The following MKS1 variants were observed in gnomAD, a reference collection of about 807,000 sequenced individuals.
The protein encoded by MKS1 is tectonic-like complex member MKS1.
A neutral mutation model predicts 83.7 loss-of-function variants in MKS1; 70 were observed. That is an observed-to-expected ratio of 0.84 (90% confidence interval 0.69 to 1.02). The LOEUF (loss-of-function observed/expected upper bound fraction) is 1.02. Ranked by LOEUF, MKS1 falls within the 50% of genes least tolerant of loss-of-function variation. The pLI is 0.00. For synonymous variants in MKS1, 251 were observed against 273.4 expected, an observed-to-expected ratio of 0.92 and a Z score of 0.81; for missense variants, 681 against 726.9, an observed-to-expected ratio of 0.94 and a Z score of 0.73.
In MKS1 at chr17:58,208,531, G is replaced by A. The variant is rs1968672310; in HGVS notation, c.1077C>T (p.Thr359=). ...QQLSGVTQTC[T]TKSLAMDKVA... The stretch of plus-strand genomic sequence containing the variant: ...TCCATACCATTGCCAGGGACTTGGT[G>A]GTGCAGGTCTGTGTTACTCCTGAGA... Residue 359 remains threonine, a synonymous_variant, in exon 12 of 18, where the codon ACC becomes ACT. Transcript: ENST00000393119. 2 of 1,614,114 alleles carry A rather than the reference G, an allele frequency of 1.2e-6. No homozygotes were observed. The highest frequency in any genetic ancestry group is 2.2e-5 in the East Asian group (1 of 44,886).
intron 5 of MKS1, among the ~76,000 whole-genome samples, 155 bp downstream of exon 5, chr17:58,214,586 G>A (rs569606093): frequency 1.3e-5 from 2 of 152,274 alleles, no homozygotes; most frequent in South Asian, 2.1e-4. Flanking sequence ...CACATGAAGA[G>A]TGAGGAAGAT....
chr17:58,214,307 G>T lies in MKS1; in HGVS notation c.596C>A (p.Thr199Asn). Residue 199 changes from threonine to asparagine, a missense_variant, in exon 6 of 18, where the codon ACC becomes AAC. Physicochemically the swap from Thr to Asn is moderately conservative, Grantham distance 65. This residue lies in a region of MKS1 where 365 missense variants were observed against 383.8 expected (regional missense o/e 0.95). Coordinates refer to ENST00000393119, the MANE Select transcript of MKS1 (RefSeq NM_017777.4). ...CATGATGTGCATTGTCTGAAGAGGG[G>T]TGTTAATGACGTGGTTGTTCCTGAC... ...EFVRNNHVINTPLQTMHIMAD... is the reference protein window; with the variant it reads ...EFVRNNHVINNPLQTMHIMAD... The T allele has an allele frequency of 6.2e-7, 1 of 1,614,158 alleles. No individual in the cohort carries two copies. The highest frequency in any genetic ancestry group is 2.2e-5 in the East Asian group (1 of 44,880).
chr17:58,210,957 A>T, intron 10 of MKS1, 23 bp downstream of exon 10: 1 of 1,611,736 alleles, frequency 6.2e-7, no homozygotes, highest in South Asian at 1.1e-5. Context: ...GCATCAAGAG[A>T]TCTATGCTAG....
chr17:58,212,315 T>G (rs372947580), intron 9 of MKS1, 63 bp downstream of exon 9: 22 of 1,587,766 alleles, frequency 1.4e-5, no homozygotes, highest in Non-Finnish European at 1.8e-5. Flanking sequence ...GTGTAACTCA[T>G]CCACAGTCAG....
chr17:58,217,672 G>C (rs1382182680), intron 2 of MKS1, among the ~76,000 whole-genome samples: 1 of 152,136 alleles, frequency 6.6e-6, no homozygotes, highest in Non-Finnish European at 1.5e-5. Flanking sequence ...AATAAACTGA[G>C]TGTGAGTCTG....
At chr17:58,206,890 G>C in intron 15 of MKS1, 195 bp downstream of exon 15, 1 of 720,460 alleles carries the variant, frequency 1.4e-6, no homozygotes, top group Non-Finnish European at 2.3e-6. Flanking sequence ...ATTTTCCAGA[G>C]ACCTCCTACG....
In MKS1 at chr17:58,214,794, G is replaced by T; in HGVS notation, c.462C>A (p.Phe154Leu). 6.2e-7 allele frequency: 1 copy of T among 1,606,926 alleles called. No individual in the cohort carries two copies. ...MTTAASEVPS[F>L]LVERMANVRR... ...TGACATTTGCCATTCGCTCGACCAA[G>T]AATGAAGGCACCTCGCTGGCTGCAG... is the stretch of plus-strand genomic sequence containing the variant. The change falls in exon 5 of 18, where the codon TTC (phenylalanine) becomes TTA (leucine). Residue 154 changes from phenylalanine to leucine, a missense_variant. This residue lies in a region of MKS1 where 365 missense variants were observed against 383.8 expected (regional missense o/e 0.95). Coordinates refer to ENST00000393119, the MANE Select transcript of MKS1 (RefSeq NM_017777.4).
chr17:58,213,119 A>C, intron 7 of MKS1, 29 bp from the exon 8 acceptor site: 1 of 1,606,118 alleles, frequency 6.2e-7, no homozygotes, highest in Non-Finnish European at 8.5e-7. Context: ...AGAAAGGAGC[A>C]ACTCTAATAA....
chr17:58,206,340 T>G lies in MKS1; in HGVS notation c.1531A>C (p.Ser511Arg), dbSNP rs9906421. The change falls in exon 17 of 18, where the codon AGT becomes CGT. Residue 511 changes from serine to arginine, a missense_variant. Coordinates refer to ENST00000393119, the MANE Select transcript of MKS1 (RefSeq NM_017777.4). The part of the protein sequence containing the change: ...ESSSLQKRMR[S>R]VLDRLEGFSQ... Reference sequence around the variant, plus strand: ...AACCCTTCCAGACGGTCCAACACACTCCGCATCCTTTTCTGAAGGGAGCTC... The same window carrying G: ...AACCCTTCCAGACGGTCCAACACACGCCGCATCCTTTTCTGAAGGGAGCTC... The G allele has an allele frequency of 3.7e-6, 6 of 1,613,862 alleles. No homozygotes were observed. The African/African-American group carries it at 4.0e-5, about 11-fold the overall frequency.
Position 58,216,069 on chromosome 17 carries a change from AC to A in MKS1, c.417+18del. On this transcript the variant is annotated intron_variant, in intron 4 of 17. Coordinates refer to ENST00000393119, the MANE Select transcript of MKS1 (RefSeq NM_017777.4). ...AGGAAGCAAAGATGGAAGCTATGAG[AC>A]CCTAGAAAGAACAATACCTCCTCCA... The A allele has an allele frequency of 6.2e-7, 1 of 1,613,734 alleles. No individual in the cohort carries two copies. The highest frequency in any genetic ancestry group is 1.1e-5 in the South Asian group (1 of 91,060).
chr17:58,212,912 G>T, intron 8 of MKS1, 70 bp downstream of exon 8: 1 of 1,483,218 alleles, frequency 6.7e-7, no homozygotes, highest in Non-Finnish European at 9.4e-7. Context: ...CTGACATCAA[G>T]TTCAGAAATG....
Position 58,205,603 on chromosome 17 carries a change from G to C in MKS1, c.*476C>G. 7.7e-7 allele frequency: 1 copy of C among 1,306,114 alleles called. No homozygotes were observed. The highest frequency in any genetic ancestry group is 1.0e-6 in the Non-Finnish European group (1 of 990,306). The allele number at this position is 1,306,114 out of a possible 1,614,324, so 80.9% of individuals were successfully genotyped here. ...CAACCTCAGCAAGCCCCAAGCAGTA[G>C]AATGAGGCTTCCCTGGAAAGAGGCT... On this transcript the variant is annotated 3_prime_UTR_variant, in exon 18 of 18. Coordinates refer to ENST00000393119, the MANE Select transcript of MKS1 (RefSeq NM_017777.4).
intron 8 of MKS1, among the ~76,000 whole-genome samples, 187 bp from the exon 9 acceptor site, chr17:58,212,621 G>C (rs1968940901): frequency 6.6e-6 from 1 of 152,172 alleles, no homozygotes; most frequent in Non-Finnish European, 1.5e-5. Flanking sequence ...GCAGAATCCT[G>C]ACTCTCGCCC....
At chr17:58,213,234 G>A (rs1004536733) in intron 7 of MKS1, 144 bp from the exon 8 acceptor site, 3 of 795,574 alleles carry the variant, frequency 3.8e-6, no homozygotes, top group African/African-American at 1.7e-5. Context: ...TGACGACCAG[G>A]AGAGAGAAAC....
intron 4 of MKS1, 148 bp downstream of exon 4, chr17:58,215,940 G>T: frequency 1.0e-6 from 1 of 959,558 alleles, no homozygotes; most frequent in Non-Finnish European, 1.7e-6. Flanking sequence ...ATTCCAGGCT[G>T]GCTGCCAGCA....
intron 2 of MKS1, among the ~76,000 whole-genome samples, chr17:58,217,188 C>T (rs1969269430): frequency 6.6e-6 from 1 of 152,210 alleles, no homozygotes; most frequent in East Asian, 1.9e-4. Context: ...GGAGTTTTGC[C>T]ATGTTAGCCA....
At chr17:58,213,581 T>G (rs1233324630) in intron 7 of MKS1, among the ~76,000 whole-genome samples, 184 bp downstream of exon 7, 1 of 152,196 alleles carries the variant, frequency 6.6e-6, no homozygotes, top group Non-Finnish European at 1.5e-5. Context: ...GTTGCACATT[T>G]TCTGAGAAAG....
intron 7 of MKS1, 97 bp downstream of exon 7, chr17:58,213,668 G>T: frequency 1.1e-6 from 1 of 917,942 alleles, no homozygotes; most frequent in Non-Finnish European, 1.8e-6. Context: ...AGTTAGAACA[G>T]ATGAAGGACT....
At chr17:58,217,004 G>C (rs868734417) in intron 2 of MKS1, among the ~76,000 whole-genome samples, 1 of 151,892 alleles carries the variant, frequency 6.6e-6, no homozygotes, top group Middle Eastern at 3.2e-3. Context: ...ATTTTTTTCT[G>C]GGGGGGATGG....
Sources: gnomAD v4.1 joint callset for allele counts (sites outside exome capture counted in the v4.1 genomes callset) on GRCh38, gnomAD v4.1.1 for gene constraint, gnomAD v4.1.1 regional missense constraint, MANE v1.5 for transcripts, NCBI Gene and HGNC (gene_info 2026-07-23, HGNC 2026-07-21) for gene names.